Variants in ZNF385D observed in about 807,000 individuals in gnomAD.
The protein encoded by ZNF385D is zinc finger protein 385D, also known as zinc finger protein 659.
In ZNF385D, 15 loss-of-function variants were observed where a neutral mutation model predicts 35.8. The observed-to-expected ratio is 0.42, with a 90% CI of 0.28 to 0.64. The LOEUF (loss-of-function observed/expected upper bound fraction) is 0.64. ZNF385D is among the 30% of genes least tolerant of loss of function. The pLI, the probability that ZNF385D is intolerant of heterozygous loss-of-function variation, is 0.23. For synonymous variants in ZNF385D, 212 were observed against 186.8 expected (o/e 1.13, Z -1.10); for missense variants, 474 against 494.6 (o/e 0.96, Z 0.39).
intron 3 of ZNF385D, among the ~76,000 whole-genome samples, chr3:22,156,232 GA>G (rs140669009): frequency 0.17 from 26,539 of 151,932 alleles, 2,977 homozygotes; most frequent in Non-Finnish European, 0.25. Context: ...GGTGTAACAA[GA>G]AACAAGAAAA....
chr3:22,273,932 A>C (rs938798892), intron 2 of ZNF385D, among the ~76,000 whole-genome samples: 1 of 152,036 alleles, frequency 6.6e-6, no homozygotes, highest in Non-Finnish European at 1.5e-5. Flanking sequence ...AAAGAAGGAG[A>C]GGTAGAGGAG....
At chr3:21,566,606 G>A (rs1477537237) in intron 2 of ZNF385D, among the ~76,000 whole-genome samples, 3 of 152,132 alleles carry the variant, frequency 2.0e-5, no homozygotes, top group Admixed American at 1.3e-4. Flanking sequence ...GGGTGACAGA[G>A]TGAGACTCTG....
intron 3 of ZNF385D, among the ~76,000 whole-genome samples, chr3:21,986,501 G>C (rs1192898576): frequency 3.1e-5 from 4 of 130,668 alleles, no homozygotes; most frequent in Non-Finnish European, 4.6e-5. Flanking sequence ...TTAATCCTGA[G>C]TTCTAGTTTG....
intron 2 of ZNF385D, among the ~76,000 whole-genome samples, chr3:22,298,066 C>T (rs1448523809): frequency 6.6e-6 from 1 of 151,890 alleles, no homozygotes; most frequent in Non-Finnish European, 1.5e-5. Flanking sequence ...CAGAACTTCT[C>T]CTGTGTCTCT....
intron 3 of ZNF385D, chr3:21,877,962 CATG>C (rs1178379768): frequency 6.6e-6 from 1 of 151,998 alleles, no homozygotes; most frequent in African/African-American, 2.4e-5. Flanking sequence ...ATGAAGATTT[CATG>C]ATAAAATGAT....
At position 21,641,668 on chromosome 3, in the gene ZNF385D, G is replaced by GT. The variant is rs1208235229; in HGVS notation, c.165+23217dup. Among the ~76,000 whole-genome samples the GT allele has an allele frequency of 1.8e-4, 25 of 142,148 alleles. No individual in the cohort carries two copies. The Middle Eastern group carries it at 0.012, about 66-fold the overall frequency. 93.3% of individuals were successfully genotyped at this position (142,148 alleles called of 152,430 possible). ...TTTTTTTTTTTAATATAGAGATGGG[G>GT]TTTTGCCATGTTGCCCAGATTGATC... On this transcript the variant is annotated intron_variant, in intron 2 of 7. Transcript: ENST00000281523.
intron 1 of ZNF385D, among the ~76,000 whole-genome samples, chr3:21,734,399 A>C (rs146126111): frequency 1.3e-5 from 2 of 151,830 alleles, no homozygotes; most frequent in Admixed American, 1.3e-4. Flanking sequence ...TTAGATGGTC[A>C]TCCTAAAGAA....
At chr3:21,764,435 C>T (rs1259322938) in intron 3 of ZNF385D, among the ~76,000 whole-genome samples, 1 of 152,224 alleles carries the variant, frequency 6.6e-6, no homozygotes, top group South Asian at 2.1e-4. Flanking sequence ...ATAAAGCTCT[C>T]GTATAACCAG....
chr3:22,164,527 A>T (rs759435520), intron 3 of ZNF385D, among the ~76,000 whole-genome samples: 3 of 151,852 alleles, frequency 2.0e-5, no homozygotes, highest in Non-Finnish European at 4.4e-5. Context: ...ATACCCGGCC[A>T]AAAGGAACAC....
intron 2 of ZNF385D, among the ~76,000 whole-genome samples, chr3:22,174,326 G>A (rs1232928645): frequency 6.6e-6 from 1 of 152,014 alleles, no homozygotes; most frequent in East Asian, 1.9e-4. Context: ...TGTCAAAGTG[G>A]CAAACCTCTA....
intron 3 of ZNF385D, among the ~76,000 whole-genome samples, chr3:21,899,809 TC>T (rs1441732613): frequency 6.6e-6 from 1 of 152,174 alleles, no homozygotes; most frequent in African/African-American, 2.4e-5. Context: ...TAGCCAAATT[TC>T]CCACTAAAAT....
chr3:21,559,604 A>AT (rs1243067217), intron 3 of ZNF385D, among the ~76,000 whole-genome samples: 1 of 151,796 alleles, frequency 6.6e-6, no homozygotes, highest in Non-Finnish European at 1.5e-5. Context: ...TTTTTCCTTC[A>AT]TTTCAACCTT....
intron 3 of ZNF385D, among the ~76,000 whole-genome samples, chr3:21,857,101 G>A (rs947649844): frequency 1.3e-5 from 2 of 151,958 alleles, no homozygotes; most frequent in African/African-American, 2.4e-5. Flanking sequence ...TAAAACTGTA[G>A]TAACCTGATC....
At chr3:21,493,721 C>G (rs1248356744) in intron 4 of ZNF385D, among the ~76,000 whole-genome samples, 5 of 151,892 alleles carry the variant, frequency 3.3e-5, no homozygotes. Context: ...ATCTCTGCTC[C>G]CAAAGTGTTA....
At chr3:21,867,948 G>T (rs567056414) in intron 3 of ZNF385D, among the ~76,000 whole-genome samples, 1 of 152,020 alleles carries the variant, frequency 6.6e-6, no homozygotes, top group Non-Finnish European at 1.5e-5. Flanking sequence ...ACCACATATG[G>T]GTAGTGGCCA....
intron 3 of ZNF385D, among the ~76,000 whole-genome samples, chr3:21,999,225 A>G (rs984769417): frequency 5.3e-5 from 8 of 152,214 alleles, no homozygotes; most frequent in African/African-American, 1.9e-4. Context: ...TCAAATAGCA[A>G]GGATATTTCC....
At chr3:21,457,202 G>A (rs1201916812) in intron 4 of ZNF385D, among the ~76,000 whole-genome samples, 1 of 152,130 alleles carries the variant, frequency 6.6e-6, no homozygotes, top group Non-Finnish European at 1.5e-5. Flanking sequence ...AACAGTAGGA[G>A]GAGGTGGCAG....
intron 3 of ZNF385D, among the ~76,000 whole-genome samples, chr3:22,147,322 C>T (rs542838856): frequency 2.6e-5 from 4 of 152,096 alleles, no homozygotes; most frequent in Admixed American, 6.6e-5. Flanking sequence ...CCAGTTCCAA[C>T]GGTAGGCATG....
At chr3:21,997,869 G>GCA in intron 3 of ZNF385D, among the ~76,000 whole-genome samples, 1 of 56,414 alleles carries the variant, frequency 1.8e-5, no homozygotes, top group African/African-American at 9.9e-5. Flanking sequence ...GCGCGCGCGC[G>GCA]CGCGTGTGTG....
Sources: allele counts gnomAD v4.1 joint callset (sites outside exome capture counted in the v4.1 genomes callset), GRCh38; gene constraint gnomAD v4.1.1; transcripts MANE v1.5; gene names NCBI Gene and HGNC (gene_info 2026-07-23, HGNC 2026-07-21).